The following DERA variants were observed in gnomAD, a reference collection of about 807,000 sequenced individuals.
DERA encodes the protein 2-deoxy-D-ribose 5-phosphate aldolase.
A neutral mutation model predicts 41.1 loss-of-function variants in DERA; 15 were observed. That is an observed-to-expected ratio of 0.37 (90% CI 0.24 to 0.56). The LOEUF (loss-of-function observed/expected upper bound fraction) is 0.56, where lower values mean the gene tolerates loss of function less well. DERA is among the 20% of genes least tolerant of loss of function. The pLI, the probability that DERA is intolerant of heterozygous loss-of-function variation, is 0.81. For synonymous variants in DERA, 139 were observed against 137.4 expected (o/e 1.01, Z -0.08); for missense variants, 396 against 403.4 (o/e 0.98, Z 0.16).
At chr12:15,951,056 A>G (rs1400006280) in intron 1 of DERA, among the ~76,000 whole-genome samples, 1 of 152,224 alleles carries the variant, frequency 6.6e-6, no homozygotes, top group Non-Finnish European at 1.5e-5. Context: ...TTCTGTAAAC[A>G]AGGCTGGAGC....
rs1348426426 is a variant in DERA at position 16,023,230 on chromosome 12, T to C, written c.638-9312T>C. Reference sequence around the variant, plus strand: ...GCTGACAGAGCTAAAATACATAGGCTCTCTGAAGAGGAATTTTAGGGAAGC... The same window carrying C: ...GCTGACAGAGCTAAAATACATAGGCCCTCTGAAGAGGAATTTTAGGGAAGC... On this transcript the variant is annotated intron_variant, in intron 6 of 8. Coordinates refer to ENST00000428559, the MANE Select transcript of DERA (RefSeq NM_015954.4). Among the ~76,000 whole-genome samples, 5 of 152,024 alleles carry C rather than the reference T, an allele frequency of 3.3e-5. 1 individual carries two copies. Among genetic ancestry groups the C allele is most frequent in the Admixed American group, 3.3e-4 (5 of 15,260 alleles).
chr12:15,953,133 C>A (rs1277536771), intron 1 of DERA, among the ~76,000 whole-genome samples: 1 of 152,090 alleles, frequency 6.6e-6, no homozygotes, highest in Non-Finnish European at 1.5e-5. Flanking sequence ...CAATGCTTTA[C>A]GGTGAATCAG....
rs989757116 is a variant in DERA at position 16,036,115 on chromosome 12, G to T, written c.751-117G>T. On this transcript the variant is annotated intron_variant, in intron 7 of 8. Coordinates refer to ENST00000428559, the MANE Select transcript of DERA (RefSeq NM_015954.4). This position sits in a 1 kb window ranked among gnomAD's most constrained non-coding sequence, Gnocchi z 4.9. ...GCCCTTTCACTGGATGAAGTGAAAA[G>T]ATTTTTTTTCAACAAAAGAGGGAGA... 9 of 1,026,748 alleles carry T rather than the reference G, an allele frequency of 8.8e-6. No individual in the cohort carries two copies. The African/African-American group carries it at 1.3e-4, about 15-fold the overall frequency. 63.6% of individuals were successfully genotyped at this position (1,026,748 alleles called of 1,614,324 possible).
At position 15,998,772 on chromosome 12, in the gene DERA, G is replaced by A. The variant is rs112842676; in HGVS notation, c.637+16336G>A. ...TCATTGCAATGTGCTTATTTGGACC[G>A]CTGAACTTACATCCCCAAAGAAACA... On this transcript the variant is annotated intron_variant, in intron 6 of 8. Coordinates refer to ENST00000428559, the MANE Select transcript of DERA (RefSeq NM_015954.4). The surrounding 1 kb of genome is among the most constrained non-coding windows in gnomAD (Gnocchi z 4.8). Among the ~76,000 whole-genome samples the A allele has an allele frequency of 2.6e-5, 4 of 152,150 alleles. No homozygotes were observed. Among genetic ancestry groups the A allele is most frequent in the East Asian group, 1.9e-4 (1 of 5,174 alleles).
At position 16,011,798 on chromosome 12, in the gene DERA, A is replaced by G. The variant is rs1948948329; in HGVS notation, c.638-20744A>G. On this transcript the variant is annotated intron_variant, in intron 6 of 8. Transcript: ENST00000428559. This position sits in a 1 kb window ranked among gnomAD's most constrained non-coding sequence, Gnocchi z 4.7. ...TTTCATTTTATACTGAGTCTAAAAT[A>G]CCTTAATATTTTGTTCAAACTATTA... Among the ~76,000 whole-genome samples, 1 of 152,182 alleles carries G rather than the reference A, an allele frequency of 6.6e-6. No homozygotes were observed. Among genetic ancestry groups the G allele is most frequent in the African/African-American group, 2.4e-5 (1 of 41,464 alleles).
At chr12:16,028,171 G>A (rs1949065214) in intron 6 of DERA, among the ~76,000 whole-genome samples, 1 of 152,172 alleles carries the variant, frequency 6.6e-6, no homozygotes, top group African/African-American at 2.4e-5. Flanking sequence ...TTGGAGAAAT[G>A]GCTTATACCA....
rs1948165871 is a variant in DERA, at chr12:15,911,775, C to A, written c.31+361C>A. 4 of 537,250 alleles carry A rather than the reference C, an allele frequency of 7.4e-6. No individual in the cohort carries two copies. Among genetic ancestry groups the A allele is most frequent in the Non-Finnish European group, 1.4e-5 (4 of 280,638 alleles). The allele number at this position is 537,250 out of a possible 1,614,324, so 33.3% of individuals were successfully genotyped here. On this transcript the variant is annotated intron_variant, in intron 1 of 8. Transcript: ENST00000428559. This position sits in a 1 kb window ranked among gnomAD's most constrained non-coding sequence, Gnocchi z 4.5. ...GCAGGTAAAAACAGATAAAAACCTT[C>A]TTTCTCCTCCTTTTAATAGAATACT...
At position 16,036,078 on chromosome 12, in the gene DERA, T is replaced by C. The variant is rs1949125710; in HGVS notation, c.751-154T>C. Among the ~76,000 whole-genome samples, 1 of 152,100 alleles carries C rather than the reference T, an allele frequency of 6.6e-6. No individual in the cohort carries two copies. Among genetic ancestry groups the C allele is most frequent in the Non-Finnish European group, 1.5e-5 (1 of 68,024 alleles). On this transcript the variant is annotated intron_variant, in intron 7 of 8. Transcript: ENST00000428559. The surrounding 1 kb of genome is among the most constrained non-coding windows in gnomAD (Gnocchi z 4.9). The stretch of plus-strand genomic sequence containing the variant: ...GTTTTGTAGTGTGAATGAGCATGAG[T>C]CACTGATCTAAGCCCTTTCACTGGA...
chr12:15,915,072 G>A lies in DERA; in HGVS notation c.31+3658G>A, dbSNP rs1188026886. 2.6e-5 allele frequency among the ~76,000 whole-genome samples: 4 copies of A among 152,204 alleles called. No individual in the cohort carries two copies. The highest frequency in any genetic ancestry group is 9.7e-5 in the African/African-American group (4 of 41,450). On this transcript the variant is annotated intron_variant, in intron 1 of 8. Coordinates refer to ENST00000428559, the MANE Select transcript of DERA (RefSeq NM_015954.4). This position sits in a 1 kb window ranked among gnomAD's most constrained non-coding sequence, Gnocchi z 4.8. ...ATCTGTACTGGGTAGTATTACCCTAGGCTGGGGGTACAAGATAATCAGGGA... is the reference window on the plus strand; with the variant it reads ...ATCTGTACTGGGTAGTATTACCCTAAGCTGGGGGTACAAGATAATCAGGGA...
intron 1 of DERA, among the ~76,000 whole-genome samples, chr12:15,930,381 A>G (rs1948318548): frequency 6.6e-6 from 1 of 152,152 alleles, no homozygotes; most frequent in Non-Finnish European, 1.5e-5. Flanking sequence ...GTAGTTATCA[A>G]TTGTTTTTTC....
rs1370995934 is a variant in DERA, at chr12:15,921,074, T to A, written c.31+9660T>A. ...ACCTTAATCTTATTATCTTTATATATCATATATTTTACACTGATAAGCAAA... is the reference window on the plus strand; with the variant it reads ...ACCTTAATCTTATTATCTTTATATAACATATATTTTACACTGATAAGCAAA... On this transcript the variant is annotated intron_variant, in intron 1 of 8. Coordinates refer to ENST00000428559, the MANE Select transcript of DERA (RefSeq NM_015954.4). This position sits in a 1 kb window ranked among gnomAD's most constrained non-coding sequence, Gnocchi z 5.3. Among the ~76,000 whole-genome samples the A allele has an allele frequency of 6.6e-6, 1 of 152,208 alleles. No individual in the cohort carries two copies. Among genetic ancestry groups the A allele is most frequent in the East Asian group, 1.9e-4 (1 of 5,198 alleles).
chr12:16,030,158 T>C (rs748634015), intron 6 of DERA, among the ~76,000 whole-genome samples: 3 of 151,336 alleles, frequency 2.0e-5, no homozygotes, highest in Non-Finnish European at 4.4e-5. Flanking sequence ...GGTCTTGAAC[T>C]TCTGACCTTG....
Position 15,954,150 on chromosome 12 carries a change from A to G in DERA, c.32-2786A>G, listed in dbSNP as rs893706990. On this transcript the variant is annotated intron_variant, in intron 1 of 8. Coordinates refer to ENST00000428559, the MANE Select transcript of DERA (RefSeq NM_015954.4). This position sits in a 1 kb window ranked among gnomAD's most constrained non-coding sequence, Gnocchi z 4.0. Reference sequence around the variant, plus strand: ...TAAGGGGAAAGTTCCCAGGCATCCCATTCATACCTCAGTCCCATATTTTCT... The same window carrying G: ...TAAGGGGAAAGTTCCCAGGCATCCCGTTCATACCTCAGTCCCATATTTTCT... Among the ~76,000 whole-genome samples the G allele has an allele frequency of 1.3e-5, 2 of 152,272 alleles. No individual in the cohort carries two copies. Among genetic ancestry groups the G allele is most frequent in the African/African-American group, 2.4e-5 (1 of 41,554 alleles).
chr12:15,971,844 G>T, intron 5 of DERA: 1 of 280,692 alleles, frequency 3.6e-6, no homozygotes. Flanking sequence ...AGATAATTCA[G>T]GAACCATTGC....
Position 16,010,777 on chromosome 12 carries a change from T to TA in DERA, c.638-21764dup, listed in dbSNP as rs1191951162. On this transcript the variant is annotated intron_variant, in intron 6 of 8. Coordinates refer to ENST00000428559, the MANE Select transcript of DERA (RefSeq NM_015954.4). The surrounding 1 kb of genome is among the most constrained non-coding windows in gnomAD (Gnocchi z 5.5). ...TATGGATCTGCTAATGGGAAGCACA[T>TA]ACGTCTCCAGGTACAGTGAAATAAT... Among the ~76,000 whole-genome samples, 1 of 152,078 alleles carries TA rather than the reference T, an allele frequency of 6.6e-6. No homozygotes were observed. Among genetic ancestry groups the TA allele is most frequent in the East Asian group, 1.9e-4 (1 of 5,160 alleles).
At chr12:15,951,727 G>A (rs1229964374) in intron 1 of DERA, among the ~76,000 whole-genome samples, 2 of 152,088 alleles carry the variant, frequency 1.3e-5, no homozygotes, top group Non-Finnish European at 2.9e-5. Context: ...TATCAATTTG[G>A]CATATAGTTT....
intron 5 of DERA, among the ~76,000 whole-genome samples, chr12:15,973,104 G>A (rs1948674813): frequency 6.6e-6 from 1 of 152,110 alleles, no homozygotes; most frequent in Non-Finnish European, 1.5e-5. Flanking sequence ...GACAGGCAGA[G>A]GTCAGGTTAT....
At chr12:16,029,295 C>A (rs1291520801) in intron 6 of DERA, among the ~76,000 whole-genome samples, 1 of 151,582 alleles carries the variant, frequency 6.6e-6, no homozygotes, top group Admixed American at 6.6e-5. Context: ...TAGTGGCGGG[C>A]GCCTGTAGTC....
At chr12:15,968,003 C>G (rs892109318) in intron 5 of DERA, among the ~76,000 whole-genome samples, 1 of 151,888 alleles carries the variant, frequency 6.6e-6, no homozygotes, top group African/African-American at 2.4e-5. Context: ...TGGGGAAAAT[C>G]CCTCCAGGTG....
Sources: allele counts gnomAD v4.1 joint callset (sites outside exome capture counted in the v4.1 genomes callset), GRCh38; gene constraint gnomAD v4.1.1; non-coding constraint Gnocchi (gnomAD v3.1); transcripts MANE v1.5; gene names NCBI Gene and HGNC (gene_info 2026-07-23, HGNC 2026-07-21).